PRKG1: variants seen among roughly 807,000 people sequenced by gnomAD.
PRKG1 encodes the protein protein kinase cGMP-dependent 1.
Under a neutral mutation model 88.1 loss-of-function variants are expected in PRKG1, and 35 were observed. The ratio of observed to expected loss-of-function variants is 0.40; its 90% CI spans 0.30 to 0.53. The LOEUF (loss-of-function observed/expected upper bound fraction) is 0.53, where lower values mean the gene tolerates loss of function less well. PRKG1 is among the 20% of genes least tolerant of loss of function. PRKG1 has a pLI of 0.59. For synonymous variants in PRKG1, 303 were observed against 292.5 expected, an observed-to-expected ratio of 1.04 and a Z score of -0.37; for missense variants, 540 against 839.8, an observed-to-expected ratio of 0.64 and a Z score of 4.41.
intron 9 of PRKG1, among the ~76,000 whole-genome samples, chr10:52,234,685 C>T: frequency 7.9e-6 from 1 of 125,848 alleles, no homozygotes; most frequent in African/African-American, 3.4e-5. Flanking sequence ...AAATCTACGT[C>T]TGATTGGTGT....
intron 4 of PRKG1, among the ~76,000 whole-genome samples, chr10:51,842,411 T>C (rs1349484463): frequency 6.6e-6 from 1 of 152,166 alleles, no homozygotes; most frequent in African/African-American, 2.4e-5. Flanking sequence ...AAGCAGACCA[T>C]TTGTTACACT....
At chr10:51,959,430 T>C (rs557468036) in intron 5 of PRKG1, among the ~76,000 whole-genome samples, 148 of 152,252 alleles carry the variant, frequency 9.7e-4, no homozygotes, top group Non-Finnish European at 1.7e-3. Context: ...GCTGCGCAAC[T>C]GAAGGTGGAA....
At chr10:52,051,727 C>T (rs1845991152) in intron 5 of PRKG1, among the ~76,000 whole-genome samples, 1 of 152,200 alleles carries the variant, frequency 6.6e-6, no homozygotes, top group Non-Finnish European at 1.5e-5. Flanking sequence ...GCAAACTTCA[C>T]TATTGTGAAG....
chr10:52,196,680 C>T (rs1251930226), intron 9 of PRKG1, among the ~76,000 whole-genome samples: 1 of 152,106 alleles, frequency 6.6e-6, no homozygotes, highest in Admixed American at 6.6e-5. Context: ...CAGCATTATA[C>T]TGCAGCAGAA....
intron 9 of PRKG1, among the ~76,000 whole-genome samples, chr10:52,186,875 A>G (rs1377082614): frequency 4.6e-5 from 7 of 152,320 alleles, no homozygotes; most frequent in Non-Finnish European, 1.0e-4. Flanking sequence ...TCGACTTACT[A>G]TAATTTTATG....
chr10:52,106,888 TATATTTTC>T (rs2132579956), intron 7 of PRKG1, among the ~76,000 whole-genome samples: 1 of 152,244 alleles, frequency 6.6e-6, no homozygotes, highest in South Asian at 2.1e-4. Context: ...CTAGTTTCTA[TATATTTTC>T]AGATAAATTA....
At chr10:51,145,503 T>C (rs1845922613) in intron 1 of PRKG1, among the ~76,000 whole-genome samples, 1 of 152,198 alleles carries the variant, frequency 6.6e-6, no homozygotes, top group Non-Finnish European at 1.5e-5. Context: ...TTACGTTAGT[T>C]CTGTGAAACT....
rs533441501 is a variant in PRKG1, at chr10:51,973,682, T to C, written c.762+66112T>C. Among the ~76,000 whole-genome samples the C allele has an allele frequency of 3.9e-5, 6 of 152,324 alleles. No individual in the cohort carries two copies. The East Asian group carries it at 1.2e-3, about 29-fold the overall frequency. On this transcript the variant is annotated intron_variant, in intron 5 of 17. Coordinates refer to ENST00000373980, the MANE Select transcript of PRKG1 (RefSeq NM_006258.4). ...CTTTATTTTTCTTATACATCTGTTT[T>C]TATTAGATGAGAAAATCTTTTCTAG...
At chr10:51,493,670 TG>T (rs1840769294) in intron 3 of PRKG1, among the ~76,000 whole-genome samples, 1 of 152,130 alleles carries the variant, frequency 6.6e-6, no homozygotes, top group Non-Finnish European at 1.5e-5. Context: ...AAATTGAAAT[TG>T]TTTGTCAGCA....
chr10:52,038,076 T>C (rs930245063), intron 5 of PRKG1, among the ~76,000 whole-genome samples: 71 of 152,330 alleles, frequency 4.7e-4, no homozygotes, highest in Middle Eastern at 6.8e-3. Context: ...AAGTGCCATT[T>C]TCTGGCTATT....
intron 8 of PRKG1, among the ~76,000 whole-genome samples, chr10:52,141,806 G>A (rs188965271): frequency 4.9e-4 from 75 of 152,182 alleles, no homozygotes; most frequent in African/African-American, 1.8e-3. Flanking sequence ...ATTTAAGAAG[G>A]AGAAGTAAAA....
intron 4 of PRKG1, among the ~76,000 whole-genome samples, chr10:51,906,297 T>C (rs978236366): frequency 2.0e-5 from 3 of 152,186 alleles, no homozygotes; most frequent in African/African-American, 7.2e-5. Flanking sequence ...AGTCAAACTC[T>C]GTAAAATATT....
chr10:52,239,744 T>G (rs1047843736), intron 9 of PRKG1, among the ~76,000 whole-genome samples: 1 of 152,106 alleles, frequency 6.6e-6, no homozygotes, highest in African/African-American at 2.4e-5. Context: ...ATGGCTAAAG[T>G]GAAATCTGAT....
chr10:51,861,996 A>C (rs1564681026), intron 4 of PRKG1, among the ~76,000 whole-genome samples: 1 of 152,080 alleles, frequency 6.6e-6, no homozygotes, highest in Non-Finnish European at 1.5e-5. Flanking sequence ...TTGCATCTAG[A>C]TGAAGGGAAC....
At chr10:52,156,511 TGATG>T (rs559758876) in intron 8 of PRKG1, among the ~76,000 whole-genome samples, 59 of 151,682 alleles carry the variant, frequency 3.9e-4, no homozygotes, top group African/African-American at 1.4e-3. Flanking sequence ...ATGGATGGAC[TGATG>T]GATGGATGGA....
At chr10:51,447,455 G>C (rs1055661835) in intron 2 of PRKG1, among the ~76,000 whole-genome samples, 2 of 151,974 alleles carry the variant, frequency 1.3e-5, no homozygotes, top group African/African-American at 2.4e-5. Context: ...AGATATATAA[G>C]AAAGAGTTCT....
intron 9 of PRKG1, among the ~76,000 whole-genome samples, chr10:52,207,006 G>T (rs1839836745): frequency 6.6e-6 from 1 of 152,230 alleles, no homozygotes; most frequent in Non-Finnish European, 1.5e-5. Context: ...ACAGATGGTG[G>T]CATGGTGGGA....
chr10:51,277,751 C>A (rs1447377380), intron 2 of PRKG1, among the ~76,000 whole-genome samples: 1 of 152,084 alleles, frequency 6.6e-6, no homozygotes, highest in Admixed American at 6.6e-5. Context: ...AGATTTGGCT[C>A]TCTGCCTGTT....
chr10:51,767,477 C>T (rs1253868039), intron 3 of PRKG1, among the ~76,000 whole-genome samples: 1 of 152,112 alleles, frequency 6.6e-6, no homozygotes, highest in Non-Finnish European at 1.5e-5. Flanking sequence ...ACTTTTTAGT[C>T]TCTTCTCTAA....
Sources: gnomAD v4.1 joint callset for allele counts (sites outside exome capture counted in the v4.1 genomes callset) on GRCh38, gnomAD v4.1.1 for gene constraint, MANE v1.5 for transcripts, NCBI Gene and HGNC (gene_info 2026-07-23, HGNC 2026-07-21) for gene names.